EEF1AKMT2: variants seen among roughly 807,000 people sequenced by gnomAD.
The protein encoded by EEF1AKMT2 is EEF1A lysine methyltransferase 2, also known as eukaryotic translation elongation factor 1 alpha lysine methyltransferase 2.
In EEF1AKMT2, 32 loss-of-function variants were observed where a neutral mutation model predicts 35.8. The ratio of observed to expected loss-of-function variants is 0.89; its 90% CI spans 0.67 to 1.20. The LOEUF is 1.20. Among genes scored for constraint, EEF1AKMT2 ranks in the 50% most tolerant of loss-of-function variants. EEF1AKMT2 has a pLI of 0.00. For missense variants in EEF1AKMT2, 330 were observed against 347.5 expected (o/e 0.95, Z 0.40); for synonymous variants, 121 against 133.7 (o/e 0.91, Z 0.65).
rs1238793866 is a variant in EEF1AKMT2 at position 124,757,949 on chromosome 10, A to G, written c.*2554T>C. 1 of 152,234 alleles carries G rather than the reference A, an allele frequency of 6.6e-6. No homozygotes were observed. The highest frequency in any genetic ancestry group is 1.5e-5 in the Non-Finnish European group (1 of 68,038). 9.4% of individuals were successfully genotyped at this position (152,234 alleles called of 1,614,324 possible). A position where few individuals can be genotyped will look rare whatever the true frequency, so the allele number is the denominator to read the frequency against. ...ACTTGTGCACCTGGCTTAAAACAAA[A>G]TGTACTGAAAACTTTGTATTTGTTA... On this transcript the variant is annotated 3_prime_UTR_variant, in exon 7 of 7. Coordinates refer to ENST00000368836, the MANE Select transcript of EEF1AKMT2 (RefSeq NM_212554.4).
chr10:124,785,494 C>T (rs1192904779), intron 3 of EEF1AKMT2, among the ~76,000 whole-genome samples: 1 of 151,988 alleles, frequency 6.6e-6, no homozygotes, highest in East Asian at 1.9e-4. Context: ...AAATCTTGTA[C>T]CTGGTGAAGA....
chr10:124,791,653 C>G, intron 1 of EEF1AKMT2, 71 bp downstream of exon 1: 2 of 1,534,884 alleles, frequency 1.3e-6, no homozygotes, highest in Non-Finnish European at 8.7e-7. Flanking sequence ...GGGTCTCCAC[C>G]CCGCCGTCCC....
At chr10:124,784,965 T>C (rs1241450369) in intron 3 of EEF1AKMT2, among the ~76,000 whole-genome samples, 1 of 143,184 alleles carries the variant, frequency 7.0e-6, no homozygotes, top group Non-Finnish European at 1.5e-5. Flanking sequence ...ATGTAAAAGG[T>C]AGGCTGGGCG....
chr10:124,783,434 G>A (rs187150240), intron 3 of EEF1AKMT2, among the ~76,000 whole-genome samples: 2 of 152,244 alleles, frequency 1.3e-5, no homozygotes, highest in East Asian at 3.9e-4. Context: ...ATAAGCCACT[G>A]TGCCCAGCCA....
intron 2 of EEF1AKMT2, among the ~76,000 whole-genome samples, chr10:124,789,694 G>GT (rs982950017): frequency 6.7e-6 from 1 of 150,356 alleles, no homozygotes; most frequent in African/African-American, 2.5e-5. Context: ...GGTCCAGGAT[G>GT]TAACGAGTTA....
chr10:124,781,334 T>C (rs2134137666), intron 3 of EEF1AKMT2, among the ~76,000 whole-genome samples: 1 of 151,828 alleles, frequency 6.6e-6, no homozygotes, highest in Non-Finnish European at 1.5e-5. Context: ...ATCCCAGCAC[T>C]TTTGAAGGCT....
At chr10:124,785,606 T>C (rs1008761891) in intron 3 of EEF1AKMT2, among the ~76,000 whole-genome samples, 3 of 151,676 alleles carry the variant, frequency 2.0e-5, no homozygotes, top group Admixed American at 6.6e-5. Context: ...CTAAAGAAGA[T>C]AAACAGGCCA....
chr10:124,771,228 T>C (rs537000909), intron 4 of EEF1AKMT2, among the ~76,000 whole-genome samples: 3 of 152,100 alleles, frequency 2.0e-5, no homozygotes, highest in Admixed American at 1.3e-4. Flanking sequence ...GCCTCCCAAG[T>C]AGCTGAGACT....
At chr10:124,772,531 C>T (rs945945297) in intron 4 of EEF1AKMT2, among the ~76,000 whole-genome samples, 5 of 145,802 alleles carry the variant, frequency 3.4e-5, no homozygotes, top group Non-Finnish European at 5.9e-5. Context: ...CAGGTTCAAG[C>T]GGTTCTCCTA....
chr10:124,764,393 T>C (rs1377659006), intron 5 of EEF1AKMT2, among the ~76,000 whole-genome samples: 2 of 150,244 alleles, frequency 1.3e-5, no homozygotes, highest in Non-Finnish European at 3.0e-5. Flanking sequence ...TTCCCAGAAA[T>C]GCCTGTGCAC....
intron 3 of EEF1AKMT2, chr10:124,783,010 TA>T: frequency 4.8e-6 from 2 of 413,146 alleles, no homozygotes; most frequent in Non-Finnish European, 9.4e-6. Flanking sequence ...TAAGGTAAGT[TA>T]AAAGGATGGA....
chr10:124,779,638 C>T (rs565310187), intron 3 of EEF1AKMT2, among the ~76,000 whole-genome samples: 75 of 147,954 alleles, frequency 5.1e-4, no homozygotes, highest in African/African-American at 1.7e-3. Context: ...GTCCCAGCTA[C>T]TCAGGAGGCT....
At chr10:124,775,073 A>G (rs1950477276) in intron 3 of EEF1AKMT2, among the ~76,000 whole-genome samples, 1 of 152,230 alleles carries the variant, frequency 6.6e-6, no homozygotes, top group African/African-American at 2.4e-5. Flanking sequence ...AAAAAAGGTA[A>G]CATTAACTTT....
At chr10:124,760,894 G>A (rs1950325388) in intron 6 of EEF1AKMT2, among the ~76,000 whole-genome samples, 1 of 152,206 alleles carries the variant, frequency 6.6e-6, no homozygotes, top group Non-Finnish European at 1.5e-5. Context: ...TTTTGAGACG[G>A]AGTCTCACTC....
At chr10:124,769,946 CAA>C (rs71484588) in intron 4 of EEF1AKMT2, among the ~76,000 whole-genome samples, 41 of 60,202 alleles carry the variant, frequency 6.8e-4, no homozygotes, top group East Asian at 1.0e-3. Context: ...AACTCCATCT[CAA>C]AAAAAAAAAA....
intron 4 of EEF1AKMT2, 69 bp downstream of exon 4, chr10:124,774,606 G>A (rs1015284410): frequency 3.7e-6 from 3 of 812,288 alleles, no homozygotes; most frequent in African/African-American, 1.8e-5. Flanking sequence ...TTTAAAACCT[G>A]TCAATTAATA....
chr10:124,771,182 C>T (rs1329695558), intron 4 of EEF1AKMT2, among the ~76,000 whole-genome samples: 2 of 151,942 alleles, frequency 1.3e-5, no homozygotes, highest in Non-Finnish European at 2.9e-5. Context: ...TCACTGCAAG[C>T]TCCGCCTCCC....
At chr10:124,765,249 T>C (rs1271631604) in intron 5 of EEF1AKMT2, 143 bp downstream of exon 5, 2 of 658,988 alleles carry the variant, frequency 3.0e-6, no homozygotes, top group Non-Finnish European at 5.3e-6. Context: ...CAAAAGTTAT[T>C]GTCAAGGTAA....
chr10:124,775,940 C>T (rs1180712303), intron 3 of EEF1AKMT2, among the ~76,000 whole-genome samples: 4 of 148,402 alleles, frequency 2.7e-5, no homozygotes, highest in Non-Finnish European at 6.0e-5. Context: ...TTTTTTGAGA[C>T]AGAGTCTCGC....
Sources: allele counts gnomAD v4.1 joint callset (sites outside exome capture counted in the v4.1 genomes callset), GRCh38; gene constraint gnomAD v4.1.1; transcripts MANE v1.5; gene names NCBI Gene and HGNC (gene_info 2026-07-23, HGNC 2026-07-21).